The following SH3RF3 variants were observed in gnomAD, a reference collection of about 807,000 sequenced individuals.
SH3RF3 encodes E3 ubiquitin-protein ligase SH3RF3.
SH3RF3 carries 29 observed loss-of-function variants against 66.3 expected under a neutral mutation model. That is an observed-to-expected ratio of 0.44 (90% CI 0.33 to 0.60). The LOEUF is 0.60. Ranked by LOEUF, SH3RF3 falls within the 20% of genes least tolerant of loss-of-function variation. The probability of loss-of-function intolerance (pLI) is 0.04; values close to 1 mark genes in which losing one functional copy is unlikely to be tolerated. For missense variants in SH3RF3, 1,194 were observed against 1,190.9 expected (o/e 1.00, Z -0.04); for synonymous variants, 583 against 532.0 (o/e 1.10, Z -1.32).
chr2:109,368,517 T>C (rs1683194175), intron 2 of SH3RF3, among the ~76,000 whole-genome samples: 1 of 152,122 alleles, frequency 6.6e-6, no homozygotes, highest in Admixed American at 6.5e-5. Flanking sequence ...ATGATTTTTA[T>C]GTATTTATCC....
At chr2:109,279,249 G>A (rs1231043130) in intron 1 of SH3RF3, among the ~76,000 whole-genome samples, 1 of 152,200 alleles carries the variant, frequency 6.6e-6, no homozygotes, top group Middle Eastern at 3.2e-3. Context: ...ACTTCTGAAT[G>A]TGGCTTAGCT....
intron 2 of SH3RF3, among the ~76,000 whole-genome samples, chr2:109,358,452 C>A (rs1682994873): frequency 6.6e-6 from 1 of 152,192 alleles, no homozygotes; most frequent in Admixed American, 6.5e-5. Flanking sequence ...AAAAGCATGC[C>A]TAGTTTTGTA....
chr2:109,456,518 T>G (rs1678063343), intron 8 of SH3RF3, among the ~76,000 whole-genome samples: 1 of 152,220 alleles, frequency 6.6e-6, no homozygotes, highest in Non-Finnish European at 1.5e-5. Context: ...GCACAGGCCC[T>G]CAGTGGGGCA....
intron 1 of SH3RF3, among the ~76,000 whole-genome samples, chr2:109,181,597 T>G (rs965211450): frequency 6.6e-6 from 1 of 152,336 alleles, no homozygotes; most frequent in Non-Finnish European, 1.5e-5. Context: ...TTAAAAGTTA[T>G]GTTTTTACCT....
At chr2:109,177,018 C>T (rs548350280) in intron 1 of SH3RF3, among the ~76,000 whole-genome samples, 3 of 152,124 alleles carry the variant, frequency 2.0e-5, no homozygotes, top group Non-Finnish European at 4.4e-5. Flanking sequence ...GGCTTTTCCC[C>T]AGCTTTGTCA....
intron 8 of SH3RF3, among the ~76,000 whole-genome samples, chr2:109,454,397 G>A (rs1029866228): frequency 1.3e-5 from 2 of 152,192 alleles, no homozygotes; most frequent in Non-Finnish European, 2.9e-5. Context: ...GGATTGGGTG[G>A]TTATAGTTTT....
chr2:109,482,251 A>C (rs1213309521), intron 8 of SH3RF3, among the ~76,000 whole-genome samples: 3 of 152,220 alleles, frequency 2.0e-5, no homozygotes, highest in African/African-American at 4.8e-5. Context: ...CCCGGCTCAT[A>C]GTCAGCTCTC....
intron 3 of SH3RF3, among the ~76,000 whole-genome samples, chr2:109,375,529 C>T (rs1026036092): frequency 1.3e-5 from 2 of 152,236 alleles, no homozygotes; most frequent in Non-Finnish European, 2.9e-5. Context: ...TCCACCGGGC[C>T]TTCCTTCTGG....
rs1359489546 is a variant in SH3RF3 at position 109,217,906 on chromosome 2, G to A, written c.573+87793G>A. Among the ~76,000 whole-genome samples the A allele has an allele frequency of 5.3e-5, 8 of 152,270 alleles. 1 individual carries two copies. The South Asian group carries it at 1.5e-3, about 28-fold the overall frequency. On this transcript the variant is annotated intron_variant, in intron 1 of 9. Coordinates refer to ENST00000309415, the MANE Select transcript of SH3RF3 (RefSeq NM_001099289.3). The stretch of plus-strand genomic sequence containing the variant: ...TGGCCTGGCACAAGGGAGCTGGCCC[G>A]GCTGTGGGTGGCCTTGCAAGACAGC...
At chr2:109,283,400 G>C (rs542507017) in intron 1 of SH3RF3, among the ~76,000 whole-genome samples, 1 of 152,318 alleles carries the variant, frequency 6.6e-6, no homozygotes, top group East Asian at 1.9e-4. Flanking sequence ...GAGTGTTTTG[G>C]TGGCCAGTAT....
chr2:109,327,525 G>A (rs1032847851), intron 1 of SH3RF3, among the ~76,000 whole-genome samples: 23 of 152,108 alleles, frequency 1.5e-4, no homozygotes, highest in Non-Finnish European at 3.1e-4. Flanking sequence ...AAATCCCGTC[G>A]AGATTTAAAT....
intron 1 of SH3RF3, among the ~76,000 whole-genome samples, chr2:109,330,765 TACAC>T (rs1407993972): frequency 6.6e-6 from 1 of 152,098 alleles, no homozygotes; most frequent in African/African-American, 2.4e-5. Context: ...TTCAAATACA[TACAC>T]AGATACACAA....
chr2:109,187,361 C>CTT (rs5833319), intron 1 of SH3RF3, among the ~76,000 whole-genome samples: 120,112 of 150,288 alleles, frequency 0.8, 48,002 homozygotes, highest in South Asian at 0.86. Flanking sequence ...CAACCACAGA[C>CTT]TTTTTTTTTT....
intron 1 of SH3RF3, among the ~76,000 whole-genome samples, chr2:109,238,458 TG>T (rs1553489222): frequency 2.5e-5 from 1 of 40,740 alleles, no homozygotes; most frequent in African/African-American, 1.6e-4. Context: ...TTTGTGTGTG[TG>T]TGTGTGTGTG....
intron 1 of SH3RF3, among the ~76,000 whole-genome samples, chr2:109,318,746 T>C (rs1402185723): frequency 1.3e-5 from 2 of 152,190 alleles, no homozygotes; most frequent in African/African-American, 2.4e-5. Flanking sequence ...CTGACCCTTC[T>C]GGTCTCATCC....
chr2:109,426,121 C>G (rs1196238476), intron 5 of SH3RF3, among the ~76,000 whole-genome samples: 1 of 152,150 alleles, frequency 6.6e-6, no homozygotes, highest in Non-Finnish European at 1.5e-5. Flanking sequence ...GTTGGCCAGG[C>G]TGGTGTCTAA....
intron 1 of SH3RF3, among the ~76,000 whole-genome samples, chr2:109,201,477 A>T (rs1470593454): frequency 6.6e-6 from 1 of 150,918 alleles, no homozygotes; most frequent in East Asian, 2.0e-4. Context: ...TCTCTCTCTT[A>T]TCTCTCTCTC....
chr2:109,358,842 C>T (rs1164668151), intron 2 of SH3RF3, among the ~76,000 whole-genome samples: 1 of 152,068 alleles, frequency 6.6e-6, no homozygotes, highest in East Asian at 1.9e-4. Flanking sequence ...GGTGCTATAT[C>T]CAAAAAGTCA....
At chr2:109,429,679 C>T (rs745767935) in intron 5 of SH3RF3, among the ~76,000 whole-genome samples, 127 of 152,320 alleles carry the variant, frequency 8.3e-4, no homozygotes, top group Admixed American at 1.4e-3. Flanking sequence ...TCCAGCAGCC[C>T]AGCCCTGGCC....
Sources: allele counts gnomAD v4.1 joint callset (sites outside exome capture counted in the v4.1 genomes callset), GRCh38; gene constraint gnomAD v4.1.1; transcripts MANE v1.5; gene names NCBI Gene and HGNC (gene_info 2026-07-23, HGNC 2026-07-21).